The following RTL4 variants were observed in gnomAD, a reference collection of about 807,000 sequenced individuals.
RTL4 encodes retrotransposon Gag like 4, also known as retrotransposon Gag-like protein 4.
Under a neutral mutation model 5.3 loss-of-function variants are expected in RTL4, and 4 were observed. The ratio of observed to expected loss-of-function variants is 0.75; its 90% CI spans 0.37 to 1.72. The LOEUF is 1.72. Ranked by LOEUF, RTL4 falls within the 40% of genes most tolerant of loss-of-function variation. RTL4 has a pLI of 0.04. For missense variants in RTL4, 260 were observed against 227.1 expected (o/e 1.14, Z -0.93); for synonymous variants, 98 against 87.3 (o/e 1.12, Z -0.68).
chrX:112,210,380 C>T, the RTL4 span, among the ~76,000 whole-genome samples: 1 of 111,889 alleles, frequency 8.9e-6, no homozygotes, highest in African/African-American at 3.3e-5. Context: ...AGTAATAGCA[C>T]CTTCTTTACA....
chrX:112,317,788 A>G, the RTL4 span, among the ~76,000 whole-genome samples: 2 of 111,944 alleles, frequency 1.8e-5, no homozygotes, highest in African/African-American at 6.5e-5. Context: ...AGGTTAAATA[A>G]CATGCTAATG....
chrX:112,376,426 C>T, the RTL4 span, among the ~76,000 whole-genome samples: 21,631 of 110,517 alleles, frequency 0.2, 1,631 homozygotes, highest in Admixed American at 0.31. Context: ...ATCCACAGAC[C>T]AAGCCAATAG....
chrX:112,220,551 C>G, the RTL4 span, among the ~76,000 whole-genome samples: 2 of 113,067 alleles, frequency 1.8e-5, no homozygotes, highest in Admixed American at 9.3e-5. Context: ...GTTACTTATA[C>G]AAATTTCTGC....
At chrX:112,174,478 T>A in the RTL4 span, among the ~76,000 whole-genome samples, 1 of 105,778 alleles carries the variant, frequency 9.5e-6, no homozygotes, top group African/African-American at 3.4e-5. Context: ...ATCCAGTCTA[T>A]CATTGATGGA....
At chrX:112,382,682 C>G in the RTL4 span, among the ~76,000 whole-genome samples, 2 of 112,000 alleles carry the variant, frequency 1.8e-5, no homozygotes, top group African/African-American at 6.5e-5. Context: ...TCCTTTTGAC[C>G]AACTTAGCAG....
the RTL4 span, among the ~76,000 whole-genome samples, chrX:112,099,425 A>T: frequency 8.1e-5 from 9 of 111,592 alleles, no homozygotes; most frequent in Non-Finnish European, 1.3e-4. Context: ...TGAAATTTTA[A>T]CTGGGACTTG....
chrX:112,329,891 A>G, the RTL4 span, among the ~76,000 whole-genome samples: 3 of 110,825 alleles, frequency 2.7e-5, no homozygotes, highest in Non-Finnish European at 3.8e-5. Context: ...GCATATAAAC[A>G]GAACCAAAGA....
chrX:112,276,759 A>G, the RTL4 span, among the ~76,000 whole-genome samples: 3 of 112,348 alleles, frequency 2.7e-5, no homozygotes, highest in African/African-American at 9.7e-5. Flanking sequence ...TACTGGAGAT[A>G]GAGGTCTGCT....
At chrX:112,279,608 A>C in the RTL4 span, among the ~76,000 whole-genome samples, 1 of 109,901 alleles carries the variant, frequency 9.1e-6, no homozygotes, top group South Asian at 3.9e-4. Context: ...AGGTTAACTT[A>C]AAAAAAAATG....
At chrX:112,183,291 A>G in the RTL4 span, among the ~76,000 whole-genome samples, 1 of 112,245 alleles carries the variant, frequency 8.9e-6, no homozygotes. Context: ...TCATAATGAC[A>G]GGATGAAATT....
chrX:112,101,954 C>T, the RTL4 span, among the ~76,000 whole-genome samples: 1 of 110,567 alleles, frequency 9.0e-6, no homozygotes, highest in East Asian at 2.8e-4. Flanking sequence ...AGAACCCTTC[C>T]CCTACAGCCT....
chrX:112,139,627 G>T, the RTL4 span, among the ~76,000 whole-genome samples: 2 of 112,019 alleles, frequency 1.8e-5, no homozygotes, highest in Admixed American at 1.9e-4. Context: ...GAATTATTCG[G>T]TAAGGAAGAG....
chrX:112,161,838 TTC>T, the RTL4 span, among the ~76,000 whole-genome samples: 252 of 45,123 alleles, frequency 5.6e-3, 5 homozygotes, highest in Middle Eastern at 0.031. Context: ...CCTTCCTTCC[TTC>T]CTTCCTTTCT....
the RTL4 span, among the ~76,000 whole-genome samples, chrX:112,368,481 G>T: frequency 9.0e-6 from 1 of 110,876 alleles, no homozygotes; most frequent in Non-Finnish European, 1.9e-5. Context: ...CTAGATAATT[G>T]GTTCTCAATA....
the RTL4 span, among the ~76,000 whole-genome samples, chrX:112,274,023 T>C: frequency 8.9e-6 from 1 of 111,957 alleles, no homozygotes; most frequent in African/African-American, 3.2e-5. Flanking sequence ...TAGTACAGTA[T>C]TATCCCCATT....
chrX:112,310,074 T>A, the RTL4 span, among the ~76,000 whole-genome samples: 1 of 104,468 alleles, frequency 9.6e-6, no homozygotes, highest in African/African-American at 3.5e-5. Flanking sequence ...GATACATGAA[T>A]TTCATAGTCC....
At chrX:112,188,424 T>C in the RTL4 span, among the ~76,000 whole-genome samples, 154 of 112,144 alleles carry the variant, frequency 1.4e-3, no homozygotes, top group Non-Finnish European at 2.6e-3. Flanking sequence ...CACTGGGCTC[T>C]CTGCCAAAGT....
chrX:112,401,220 T>C, the RTL4 span, among the ~76,000 whole-genome samples: 1 of 111,655 alleles, frequency 9.0e-6, no homozygotes, highest in Admixed American at 9.5e-5. Context: ...TTCTCTTAGT[T>C]CCTGTGACAT....
chrX:112,352,485 A>G, the RTL4 span, among the ~76,000 whole-genome samples: 8 of 111,334 alleles, frequency 7.2e-5, no homozygotes, highest in Admixed American at 5.8e-4. Context: ...AAACAGAGAT[A>G]TACATCAATG....
Sources: allele counts gnomAD v4.1 joint callset (sites outside exome capture counted in the v4.1 genomes callset), GRCh38; gene constraint gnomAD v4.1.1; transcripts MANE v1.5; gene names NCBI Gene and HGNC (gene_info 2026-07-23, HGNC 2026-07-21).